TAF9: variants seen among roughly 807,000 people sequenced by gnomAD.
TAF9 encodes transcription initiation factor TFIID subunit 9.
TAF9 carries 10 observed loss-of-function variants against 16.5 expected under a neutral mutation model. The observed-to-expected ratio is 0.61, with a 90% confidence interval of 0.37 to 1.03. The LOEUF (loss-of-function observed/expected upper bound fraction) is 1.03. TAF9 is among the 50% of genes least tolerant of loss of function. The probability of loss-of-function intolerance (pLI) is 0.01; values close to 1 mark genes in which losing one functional copy is unlikely to be tolerated. For missense variants in TAF9, 288 were observed against 319.1 expected (o/e 0.90, Z 0.74); for synonymous variants, 105 against 120.5 (o/e 0.87, Z 0.84).
chr5:69,369,574 AAAGCCCACGGCCCCAAAGGCCCCG>A (rs1406636861), upstream of TAF9: 2 of 1,605,654 alleles, frequency 1.2e-6, no homozygotes, highest in Non-Finnish European at 1.7e-6. Context: ...GGCGGCAGCA[AAAGCCCACGGCCCCAAAGGCCCCG>A]AAGCCCACCG....
upstream of TAF9, chr5:69,369,587 C>T: frequency 6.2e-7 from 1 of 1,600,036 alleles, no homozygotes; most frequent in South Asian, 1.1e-5. Context: ...GCCCACGGCC[C>T]CAAAGGCCCC....
chr5:69,366,396 T>C (rs773484191), intron 2 of TAF9, 107 bp downstream of exon 2: 112 of 806,530 alleles, frequency 1.4e-4, no homozygotes, highest in Middle Eastern at 3.8e-4. Context: ...TATTCTTTAA[T>C]GGCAATCTCT....
At position 69,369,077 on chromosome 5, in the gene TAF9, G is replaced by A. The variant is rs75664701; in HGVS notation, c.-111+386C>T. 1,499 of 303,784 alleles carry A rather than the reference G, an allele frequency of 4.9e-3. 18 individuals are homozygous for A. Among genetic ancestry groups the A allele is most frequent in the African/African-American group, 0.031 (1,396 of 45,492 alleles). The allele number at this position is 303,784 out of a possible 1,614,324, so 18.8% of individuals were successfully genotyped here. A position where few individuals can be genotyped will look rare whatever the true frequency, so the allele number is the denominator to read the frequency against. Reference sequence around the variant, plus strand: ...CATCCACCATTAATGACTCTACCGGGAAGCAGATATGGCCTTACGTTATTT... The same window carrying A: ...CATCCACCATTAATGACTCTACCGGAAAGCAGATATGGCCTTACGTTATTT... On this transcript the variant is annotated intron_variant, in intron 1 of 2. Coordinates refer to ENST00000217893, the MANE Select transcript of TAF9 (RefSeq NM_003187.5).
rs1457919358 is a variant in TAF9 at position 69,365,365 on chromosome 5, G to A, written c.373C>T (p.Pro125Ser). Residue 125 changes from proline to serine, a missense_variant, in exon 3 of 3, where the codon CCA (proline) becomes TCA (serine). Physicochemically the swap from Pro to Ser is moderately conservative, Grantham distance 74. Transcript: ENST00000217893. ...LPPDRYCLTA[P>S]NYRLKSLQKK... Reference sequence around the variant, plus strand: ...TGTAAAGATTTCAGCCTATAGTTTGGAGCTGTTAAGCAGTATCTATCAGGT... The same window carrying A: ...TGTAAAGATTTCAGCCTATAGTTTGAAGCTGTTAAGCAGTATCTATCAGGT... 6.2e-7 allele frequency: 1 copy of A among 1,614,186 alleles called. No homozygotes were observed. The highest frequency in any genetic ancestry group is 1.1e-5 in the South Asian group (1 of 91,082).
intron 1 of TAF9, 36 bp downstream of exon 1, chr5:69,369,427 G>A (rs766334114): frequency 3.1e-6 from 5 of 1,605,786 alleles, no homozygotes; most frequent in African/African-American, 1.3e-5. Flanking sequence ...CCCCCAGCCT[G>A]CCCCAGCCCA....
chr5:69,365,510 C>A lies in TAF9; in HGVS notation c.228G>T (p.Gln76His). Residue 76 changes from glutamine to histidine, a missense_variant, in exon 3 of 3, where the codon CAG becomes CAT. By Grantham distance (24) the Gln-to-His change is conservative (BLOSUM62 0). Coordinates refer to ENST00000217893, the MANE Select transcript of TAF9 (RefSeq NM_003187.5). ...AGGTAAAAGACTGATCAGCGCGGCA[C>A]TGGATTGCCAATCGCACATCATCTG... is the stretch of plus-strand genomic sequence containing the variant. ...VDADDVRLAI[Q>H]CRADQSFTSP... is the part of the protein sequence containing the mutation. 1 of 1,613,882 alleles carries A rather than the reference C, an allele frequency of 6.2e-7. No homozygotes were observed. Among genetic ancestry groups the A allele is most frequent in the Non-Finnish European group, 8.5e-7 (1 of 1,179,846 alleles).
At chr5:69,365,820 G>A (rs1762397153) in intron 2 of TAF9, 66 bp from the exon 3 acceptor site, 1 of 1,193,422 alleles carries the variant, frequency 8.4e-7, no homozygotes, top group Non-Finnish European at 1.1e-6. Context: ...AGTAGCAACT[G>A]TCAGGAACTT....
rs767277095 is a variant in TAF9 at position 69,366,548 on chromosome 5, T to G, written c.-63A>C. On this transcript the variant is annotated 5_prime_UTR_variant, in exon 2 of 3. Coordinates refer to ENST00000217893, the MANE Select transcript of TAF9 (RefSeq NM_003187.5). ...ACATTAATGTATTTCAGTCCTGATT[T>G]TGACGCAAGTTCTTTGCCTAGTGTG... The G allele has an allele frequency of 1.2e-6, 2 of 1,614,122 alleles. No homozygotes were observed. Among genetic ancestry groups the G allele is most frequent in the African/African-American group, 2.7e-5 (2 of 75,056 alleles).
At chr5:69,368,843 G>A (rs1762665128) in intron 1 of TAF9, 1 of 152,200 alleles carries the variant, frequency 6.6e-6, no homozygotes, top group Non-Finnish European at 1.5e-5. Flanking sequence ...TGGCTTCAAA[G>A]ACCCACTCCT....
At chr5:69,369,582 C>T, upstream of TAF9, 13 of 1,602,800 alleles carry the variant, frequency 8.1e-6, no homozygotes, top group Non-Finnish European at 8.5e-7. Flanking sequence ...CAAAAGCCCA[C>T]GGCCCCAAAG....
rs759172508 is a variant in TAF9, at chr5:69,365,424, G to A, written c.314C>T (p.Pro105Leu). 1 of 1,614,196 alleles carries A rather than the reference G, an allele frequency of 6.2e-7. No individual in the cohort carries two copies. Among genetic ancestry groups the A allele is most frequent in the Non-Finnish European group, 8.5e-7 (1 of 1,180,046 alleles). ...IARQRNQTPL[P>L]LIKPYSGPRL... is the part of the protein sequence containing the mutation. The stretch of plus-strand genomic sequence containing the variant: ...AGGACCTGAATATGGCTTGATCAAT[G>A]GCAAAGGGGTTTGATTTCTTTGCCT... The change falls in exon 3 of 3, where the codon CCA becomes CTA. Residue 105 changes from proline (P) to leucine (L), a missense_variant. Transcript: ENST00000217893.
chr5:69,365,862 A>G (rs4252232), intron 2 of TAF9, 108 bp from the exon 3 acceptor site: 7 of 755,476 alleles, frequency 9.3e-6, no homozygotes, highest in Non-Finnish European at 1.3e-5. Context: ...TAAACTGTAA[A>G]AAAATTTTTA....
intron 1 of TAF9, among the ~76,000 whole-genome samples, chr5:69,367,679 G>A (rs958412030): frequency 1.3e-5 from 2 of 151,846 alleles, no homozygotes; most frequent in African/African-American, 2.4e-5. Flanking sequence ...CAGCCTGTCC[G>A]GTAGCTAGGA....
intron 1 of TAF9, among the ~76,000 whole-genome samples, chr5:69,368,611 C>G (rs1394111529): frequency 6.6e-6 from 1 of 152,148 alleles, no homozygotes; most frequent in Non-Finnish European, 1.5e-5. Flanking sequence ...GTCTTGTGCG[C>G]TGCCAACAAT....
intron 1 of TAF9, chr5:69,369,241 C>CCCCCCCCCCCCCCA: frequency 8.3e-6 from 2 of 240,186 alleles, no homozygotes; most frequent in Non-Finnish European, 1.6e-5. Flanking sequence ...CCCCCGCCCC[C>CCCCCCCCCCCCCCA]CCCCGGAGCC....
Position 69,366,521 on chromosome 5 carries a change from C to G in TAF9, c.-36G>C. The G allele has an allele frequency of 2.5e-6, 4 of 1,613,910 alleles. No individual in the cohort carries two copies. Among genetic ancestry groups the G allele is most frequent in the Non-Finnish European group, 3.4e-6 (4 of 1,179,942 alleles). ...CCCTTACCTTCTCGAGCTAAATCAC[C>G]CACATTAATGTATTTCAGTCCTGAT... On this transcript the variant is annotated 5_prime_UTR_variant, in exon 2 of 3. Coordinates refer to ENST00000217893, the MANE Select transcript of TAF9 (RefSeq NM_003187.5).
At chr5:69,369,001 C>G (rs1762682162) in intron 1 of TAF9, 2 of 169,776 alleles carry the variant, frequency 1.2e-5, no homozygotes, top group African/African-American at 2.4e-5. Context: ...AGGCGTTTAT[C>G]AGAAGCAAAG....
intron 1 of TAF9, among the ~76,000 whole-genome samples, chr5:69,367,635 C>T (rs1397132878): frequency 3.3e-5 from 5 of 152,054 alleles, no homozygotes; most frequent in Non-Finnish European, 7.3e-5. Flanking sequence ...TCACTAGAGC[C>T]TTTACCTCCT....
In TAF9 at chr5:69,365,393, C is replaced by T; in HGVS notation, c.345G>A (p.Leu115=). ...CTGTTAAGCAGTATCTATCAGGTGG[C>T]AACCTAGGACCTGAATATGGCTTGA... The part of the protein sequence containing the change: ...PLIKPYSGPR[L]PPDRYCLTAP... The change falls in exon 3 of 3, where the codon TTG becomes TTA. Residue 115 remains leucine, a synonymous_variant. Transcript: ENST00000217893. 6.2e-7 allele frequency: 1 copy of T among 1,614,172 alleles called. No individual in the cohort carries two copies. The highest frequency in any genetic ancestry group is 8.5e-7 in the Non-Finnish European group (1 of 1,180,024).
Sources: gnomAD v4.1 joint callset for allele counts (sites outside exome capture counted in the v4.1 genomes callset) on GRCh38, gnomAD v4.1.1 for gene constraint, MANE v1.5 for transcripts, NCBI Gene and HGNC (gene_info 2026-07-23, HGNC 2026-07-21) for gene names.